The following FBXW11 variants were observed in gnomAD, a reference collection of about 807,000 sequenced individuals.
FBXW11 encodes the protein F-box and WD repeat domain containing 11, also known as F-box/WD repeat-containing protein 11.
FBXW11 carries 19 observed loss-of-function variants against 77.6 expected under a neutral mutation model. The ratio of observed to expected loss-of-function variants is 0.24; its 90% CI spans 0.17 to 0.36. The LOEUF (loss-of-function observed/expected upper bound fraction) is 0.36. Ranked by LOEUF, FBXW11 falls within the 10% of genes least tolerant of loss-of-function variation. FBXW11 has a pLI of 1.00. For synonymous variants in FBXW11, 235 were observed against 249.4 expected (o/e 0.94, Z 0.54); for missense variants, 334 against 704.2 (o/e 0.47, Z 5.95).
chr5:171,943,459 C>CT, intron 2 of FBXW11, among the ~76,000 whole-genome samples: 1 of 152,132 alleles, frequency 6.6e-6, no homozygotes, highest in East Asian at 1.9e-4. Context: ...CACAGATCTT[C>CT]TTTTTTAGTT....
At chr5:172,003,766 AT>A (rs2113628274) in intron 1 of FBXW11, among the ~76,000 whole-genome samples, 1 of 152,310 alleles carries the variant, frequency 6.6e-6, no homozygotes, top group South Asian at 2.1e-4. Context: ...TTATTTCCTA[AT>A]ATACTTATCA....
intron 7 of FBXW11, among the ~76,000 whole-genome samples, chr5:171,883,527 TA>T (rs780082546): frequency 9.2e-5 from 14 of 151,980 alleles, no homozygotes; most frequent in Admixed American, 7.9e-4. Flanking sequence ...TAAAGTATAA[TA>T]AAAAAAATAA....
chr5:171,937,797 C>A, intron 2 of FBXW11, among the ~76,000 whole-genome samples: 1 of 136,292 alleles, frequency 7.3e-6, no homozygotes. Flanking sequence ...CACTGTACTC[C>A]AACTTAGGTG....
rs1214950850 is a variant in FBXW11 at position 171,863,520 on chromosome 5, A to G, written c.*607T>C. On this transcript the variant is annotated 3_prime_UTR_variant, in exon 14 of 14. Transcript: ENST00000517395. ...AACTGACTTATAGTTCTTTAAATTA[A>G]AAGAAATTGGTACAGAAAGGAAGTA... is the stretch of plus-strand genomic sequence containing the variant. 2.6e-5 allele frequency: 4 copies of G among 152,580 alleles called. No individual in the cohort carries two copies. The highest frequency in any genetic ancestry group is 9.6e-5 in the African/African-American group (4 of 41,454). 9.5% of individuals were successfully genotyped at this position (152,580 alleles called of 1,614,324 possible).
chr5:171,895,290 G>T (rs992621390), intron 6 of FBXW11, among the ~76,000 whole-genome samples: 1 of 152,106 alleles, frequency 6.6e-6, no homozygotes, highest in East Asian at 1.9e-4. Flanking sequence ...AGTATACAGC[G>T]GCATTTAAAT....
At chr5:171,923,909 CTTTTTTTTTTT>C (rs70982354) in intron 2 of FBXW11, among the ~76,000 whole-genome samples, 2 of 49,192 alleles carry the variant, frequency 4.1e-5, no homozygotes, top group Non-Finnish European at 6.9e-5. Flanking sequence ...GAAACCCCAC[CTTTTTTTTTTT>C]TTTTTTTTTT....
At chr5:171,913,778 GA>G (rs1207420989) in intron 3 of FBXW11, among the ~76,000 whole-genome samples, 1 of 150,538 alleles carries the variant, frequency 6.6e-6, no homozygotes, top group Admixed American at 6.7e-5. Flanking sequence ...ACCAAATCGT[GA>G]AACTTTGCTT....
intron 1 of FBXW11, among the ~76,000 whole-genome samples, chr5:171,993,801 G>C (rs924508606): frequency 6.6e-6 from 1 of 152,164 alleles, no homozygotes; most frequent in Non-Finnish European, 1.5e-5. Context: ...CCAAGGACCA[G>C]ATCTAGGATG....
intron 4 of FBXW11, among the ~76,000 whole-genome samples, chr5:171,905,998 T>C (rs1466608992): frequency 2.0e-5 from 3 of 152,102 alleles, no homozygotes; most frequent in Non-Finnish European, 2.9e-5. Flanking sequence ...AGGAACCAGA[T>C]GAAAGTCTGG....
At chr5:171,997,151 T>C (rs1410006750) in intron 1 of FBXW11, 1 of 1,055,900 alleles carries the variant, frequency 9.5e-7, no homozygotes. Context: ...ATGGTGGATC[T>C]GAGGCACAGG....
intron 10 of FBXW11, among the ~76,000 whole-genome samples, chr5:171,871,180 C>G (rs1430695778): frequency 6.6e-6 from 1 of 152,174 alleles, no homozygotes; most frequent in Non-Finnish European, 1.5e-5. Flanking sequence ...TCTATTTAAT[C>G]CTTAGGCATT....
intron 4 of FBXW11, among the ~76,000 whole-genome samples, chr5:171,909,157 T>G (rs538828410): frequency 2.6e-5 from 4 of 152,216 alleles, no homozygotes; most frequent in Non-Finnish European, 5.9e-5. Flanking sequence ...TTAATCATAT[T>G]CAAAGGGGAG....
intron 4 of FBXW11, among the ~76,000 whole-genome samples, chr5:171,905,444 A>T (rs1291113668): frequency 1.3e-5 from 2 of 152,250 alleles, no homozygotes; most frequent in East Asian, 1.9e-4. Flanking sequence ...TAGGTAAATA[A>T]GAAGTTCACT....
At chr5:171,951,310 A>G (rs960582743) in intron 2 of FBXW11, among the ~76,000 whole-genome samples, 12 of 152,052 alleles carry the variant, frequency 7.9e-5, no homozygotes, top group Non-Finnish European at 1.5e-4. Context: ...CTGAATTGGG[A>G]GGATCACTTG....
intron 4 of FBXW11, among the ~76,000 whole-genome samples, chr5:171,909,833 A>G (rs1561673418): frequency 1.3e-5 from 2 of 152,120 alleles, no homozygotes; most frequent in African/African-American, 2.4e-5. Flanking sequence ...AGTTTTCCCA[A>G]TGTATTTTTG....
intron 1 of FBXW11, among the ~76,000 whole-genome samples, chr5:171,970,315 T>C (rs573636588): frequency 2.0e-5 from 3 of 152,242 alleles, no homozygotes; most frequent in South Asian, 2.1e-4. Flanking sequence ...TTATGAGTGT[T>C]TGACAGTTCC....
chr5:171,977,935 A>G (rs899477763), intron 1 of FBXW11, among the ~76,000 whole-genome samples: 3 of 152,140 alleles, frequency 2.0e-5, no homozygotes, highest in Non-Finnish European at 2.9e-5. Flanking sequence ...AGTTACATTA[A>G]CAGCTGTAAA....
intron 2 of FBXW11, among the ~76,000 whole-genome samples, chr5:171,947,433 C>T (rs935943169): frequency 6.6e-6 from 1 of 151,700 alleles, no homozygotes; most frequent in Non-Finnish European, 1.5e-5. Context: ...GTGTGGTGGC[C>T]CACGCCTGTA....
At chr5:171,877,253 T>C (rs1268520792) in intron 8 of FBXW11, among the ~76,000 whole-genome samples, 1 of 152,112 alleles carries the variant, frequency 6.6e-6, no homozygotes, top group Non-Finnish European at 1.5e-5. Context: ...AGATTTTGTA[T>C]TGAGTCTGAG....
Sources: gnomAD v4.1 joint callset for allele counts (sites outside exome capture counted in the v4.1 genomes callset) on GRCh38, gnomAD v4.1.1 for gene constraint, MANE v1.5 for transcripts, NCBI Gene and HGNC (gene_info 2026-07-23, HGNC 2026-07-21) for gene names.